Variants in SPOCK1 observed in about 807,000 individuals in gnomAD.
The protein encoded by SPOCK1 is testican-1.
SPOCK1 carries 23 observed loss-of-function variants against 55.3 expected under a neutral mutation model. That is an observed-to-expected ratio of 0.42 (90% CI 0.30 to 0.59). The LOEUF (loss-of-function observed/expected upper bound fraction) is 0.59. SPOCK1 is among the 20% of genes least tolerant of loss of function. SPOCK1 has a pLI of 0.22. For missense variants in SPOCK1, 499 were observed against 552.5 expected (o/e 0.90, Z 0.97); for synonymous variants, 226 against 221.0 (o/e 1.02, Z -0.20).
chr5:137,425,160 T>C (rs1752582235), intron 2 of SPOCK1, among the ~76,000 whole-genome samples: 1 of 149,188 alleles, frequency 6.7e-6, no homozygotes, highest in Non-Finnish European at 1.5e-5. Context: ...AAGGCTAATA[T>C]TTTAAACCAA....
At chr5:137,401,236 T>C (rs1751969237) in intron 2 of SPOCK1, among the ~76,000 whole-genome samples, 1 of 152,198 alleles carries the variant, frequency 6.6e-6, no homozygotes, top group Non-Finnish European at 1.5e-5. Flanking sequence ...TTAAGGAGTT[T>C]ATCTTTCCAT....
chr5:137,199,570 T>A (rs1042885619), intron 3 of SPOCK1, among the ~76,000 whole-genome samples: 3 of 152,110 alleles, frequency 2.0e-5, no homozygotes, highest in Non-Finnish European at 2.9e-5. Flanking sequence ...GATCTCCTCC[T>A]CCTCCTTGAA....
At chr5:137,255,051 G>A (rs1756608006) in intron 3 of SPOCK1, among the ~76,000 whole-genome samples, 1 of 152,194 alleles carries the variant, frequency 6.6e-6, no homozygotes, top group East Asian at 1.9e-4. Flanking sequence ...ATCAAGCCAG[G>A]CCTTTAGAAG....
intron 4 of SPOCK1, among the ~76,000 whole-genome samples, chr5:137,124,256 G>C (rs2127039889): frequency 6.6e-6 from 1 of 152,324 alleles, no homozygotes; most frequent in South Asian, 2.1e-4. Flanking sequence ...ACATGGCAGA[G>C]AGCAGCAGCT....
intron 6 of SPOCK1, among the ~76,000 whole-genome samples, chr5:137,011,938 C>T (rs899028344): frequency 2.0e-5 from 3 of 152,166 alleles, no homozygotes; most frequent in Non-Finnish European, 1.5e-5. Context: ...CCAGGAGTCC[C>T]GAGAGTTGCC....
chr5:137,354,435 AG>A (rs1750747763), intron 2 of SPOCK1, among the ~76,000 whole-genome samples: 1 of 151,698 alleles, frequency 6.6e-6, no homozygotes. Flanking sequence ...TGACCCCCCC[AG>A]GCAGCCTCCT....
chr5:137,133,151 C>T (rs1375908387), intron 4 of SPOCK1, among the ~76,000 whole-genome samples: 1 of 152,146 alleles, frequency 6.6e-6, no homozygotes, highest in Non-Finnish European at 1.5e-5. Context: ...AGGCAGATCA[C>T]AAGGTCAGGT....
intron 7 of SPOCK1, chr5:136,988,849 A>C (rs2126962030): frequency 2.1e-6 from 1 of 476,656 alleles, no homozygotes; most frequent in Admixed American, 3.7e-5. Context: ...TTTAAAAGTC[A>C]TCATTTGAGG....
chr5:137,212,082 C>A (rs1410492498), intron 3 of SPOCK1, among the ~76,000 whole-genome samples: 1 of 152,180 alleles, frequency 6.6e-6, no homozygotes, highest in African/African-American at 2.4e-5. Flanking sequence ...CAGCCTGGGG[C>A]TTATGACTGG....
intron 4 of SPOCK1, among the ~76,000 whole-genome samples, chr5:137,113,866 C>G (rs1158168835): frequency 1.3e-5 from 2 of 152,090 alleles, no homozygotes; most frequent in Admixed American, 6.5e-5. Flanking sequence ...TATTTTCTAC[C>G]AGGTGTGGAA....
chr5:137,429,794 A>G (rs190502164), intron 2 of SPOCK1, among the ~76,000 whole-genome samples: 1 of 152,328 alleles, frequency 6.6e-6, no homozygotes, highest in African/African-American at 2.4e-5. Context: ...CCCAAAAGAG[A>G]GGAGAAAAAC....
intron 2 of SPOCK1, chr5:137,364,879 G>T (rs1408111414): frequency 6.6e-6 from 1 of 152,218 alleles, no homozygotes; most frequent in Non-Finnish European, 1.5e-5. Flanking sequence ...GCTAATAATA[G>T]TGCCTCCCTC....
Position 137,036,287 on chromosome 5 carries a change from C to G in SPOCK1, c.589+31428G>C, listed in dbSNP as rs531486709. 1.4e-3 allele frequency among the ~76,000 whole-genome samples: 100 copies of G among 73,276 alleles called. No individual in the cohort carries two copies. The South Asian group carries it at 0.016, about 12-fold the overall frequency. The allele number at this position is 73,276 out of a possible 152,430, so 48.1% of individuals were successfully genotyped here. ...ATAGTTCTGGATTTCTCTGCCTTGC[C>G]CATTTTTTTTTTTCTTTAACAATCA... On this transcript the variant is annotated intron_variant, in intron 6 of 10. Coordinates refer to ENST00000394945, the MANE Select transcript of SPOCK1 (RefSeq NM_004598.4).
chr5:137,060,952 C>A (rs1194266550), intron 6 of SPOCK1, among the ~76,000 whole-genome samples: 1 of 152,162 alleles, frequency 6.6e-6, no homozygotes, highest in Non-Finnish European at 1.5e-5. Context: ...TTCTTTGATG[C>A]AGTTGCCAAT....
intron 5 of SPOCK1, among the ~76,000 whole-genome samples, chr5:137,069,037 AAG>A (rs987944095): frequency 1.3e-5 from 2 of 152,222 alleles, no homozygotes; most frequent in Non-Finnish European, 2.9e-5. Context: ...AATGAAAGAA[AAG>A]AGGAGATACA....
intron 2 of SPOCK1, among the ~76,000 whole-genome samples, chr5:137,450,860 C>T (rs1168555911): frequency 1.3e-5 from 1 of 79,850 alleles, no homozygotes; most frequent in Non-Finnish European, 2.4e-5. Context: ...TCCATTCTCA[C>T]TGTGGCTGCT....
rs200620746 is a variant in SPOCK1 at position 137,332,220 on chromosome 5, C to A, written c.187-65165G>T. Among the ~76,000 whole-genome samples the A allele has an allele frequency of 5.3e-5, 8 of 152,144 alleles. No individual in the cohort carries two copies. In the East Asian group the frequency reaches 5.8e-4, roughly 11 times the overall value. ...CCTTCCCTCTGTCTCGACACTCCCC[C>A]CCAGCCCTCTTCACAAGACTGTGCC... On this transcript the variant is annotated intron_variant, in intron 2 of 10. Coordinates refer to ENST00000394945, the MANE Select transcript of SPOCK1 (RefSeq NM_004598.4).
At chr5:137,454,137 A>G (rs1753316477) in intron 2 of SPOCK1, among the ~76,000 whole-genome samples, 1 of 152,200 alleles carries the variant, frequency 6.6e-6, no homozygotes, top group African/African-American at 2.4e-5. Flanking sequence ...TCTCTACAGG[A>G]TAAAATAGAA....
chr5:137,485,370 T>C (rs1242114275), intron 2 of SPOCK1, among the ~76,000 whole-genome samples: 1 of 152,222 alleles, frequency 6.6e-6, no homozygotes, highest in Non-Finnish European at 1.5e-5. Flanking sequence ...TTTGTTGAAT[T>C]GGATGTATGA....
Sources: allele counts gnomAD v4.1 joint callset (sites outside exome capture counted in the v4.1 genomes callset), GRCh38; gene constraint gnomAD v4.1.1; transcripts MANE v1.5; gene names NCBI Gene and HGNC (gene_info 2026-07-23, HGNC 2026-07-21).